Variants in IQCM observed in about 807,000 individuals in gnomAD.
IQCM encodes IQ motif containing M, also known as IQ domain-containing protein M.
In IQCM, 45 loss-of-function variants were observed where a neutral mutation model predicts 57.6. The observed-to-expected ratio is 0.78, with a 90% CI of 0.62 to 1.00. The LOEUF (loss-of-function observed/expected upper bound fraction) is 1.00, where lower values mean the gene tolerates loss of function less well. Ranked by LOEUF, IQCM falls within the 50% of genes least tolerant of loss-of-function variation. The pLI is 0.00. For synonymous variants in IQCM, 148 were observed against 158.9 expected (o/e 0.93, Z 0.51); for missense variants, 468 against 511.6 (o/e 0.91, Z 0.82).
intron 12 of IQCM, among the ~76,000 whole-genome samples, chr4:149,475,522 A>G (rs1740088110): frequency 6.6e-6 from 1 of 152,158 alleles, no homozygotes; most frequent in African/African-American, 2.4e-5. Context: ...CAGCATATAC[A>G]GCATATAAAT....
intron 7 of IQCM, among the ~76,000 whole-genome samples, chr4:149,661,043 C>A (rs1006023438): frequency 4.0e-5 from 6 of 151,614 alleles, no homozygotes; most frequent in Admixed American, 2.0e-4. Flanking sequence ...AAATGGGTAT[C>A]TTTGTCTTGT....
chr4:149,452,788 T>C (rs1737265668), intron 12 of IQCM, among the ~76,000 whole-genome samples: 1 of 151,588 alleles, frequency 6.6e-6, no homozygotes, highest in African/African-American at 2.4e-5. Context: ...AGTTTGTTAT[T>C]GTCAACTAGG....
chr4:149,395,092 A>G, intron 13 of IQCM, among the ~76,000 whole-genome samples: 1 of 152,058 alleles, frequency 6.6e-6, no homozygotes, highest in Non-Finnish European at 1.5e-5. Flanking sequence ...AAACTTCCCT[A>G]CTGAAATCTA....
At chr4:149,562,032 G>T (rs1049490400) in intron 10 of IQCM, among the ~76,000 whole-genome samples, 1 of 152,326 alleles carries the variant, frequency 6.6e-6, no homozygotes, top group South Asian at 2.1e-4. Flanking sequence ...TTTGCAGTTT[G>T]CTAAAACACA....
At chr4:149,581,948 G>C (rs985416599) in intron 9 of IQCM, among the ~76,000 whole-genome samples, 2 of 151,482 alleles carry the variant, frequency 1.3e-5, no homozygotes, top group African/African-American at 4.8e-5. Context: ...GGGGCAAGGT[G>C]CTTTCTGCCT....
chr4:149,756,611 C>G (rs1203894168), intron 2 of IQCM, among the ~76,000 whole-genome samples: 1 of 151,984 alleles, frequency 6.6e-6, no homozygotes, highest in African/African-American at 2.4e-5. Flanking sequence ...TTAATATTTA[C>G]AAATATGCTT....
At chr4:149,394,364 G>A (rs1262607446) in intron 13 of IQCM, among the ~76,000 whole-genome samples, 2 of 151,612 alleles carry the variant, frequency 1.3e-5, no homozygotes, top group Non-Finnish European at 1.5e-5. Context: ...CTTATATTTT[G>A]TTCCCAATTT....
chr4:149,604,967 T>C (rs1173679580), intron 8 of IQCM, among the ~76,000 whole-genome samples: 1 of 152,174 alleles, frequency 6.6e-6, no homozygotes, highest in African/African-American at 2.4e-5. Flanking sequence ...CTTTTCATTC[T>C]CCCATCCAGG....
intron 12 of IQCM, among the ~76,000 whole-genome samples, chr4:149,492,555 G>A (rs551962177): frequency 6.6e-6 from 1 of 152,112 alleles, no homozygotes; most frequent in African/African-American, 2.4e-5. Flanking sequence ...TATACTATAA[G>A]AGACATTTTG....
intron 5 of IQCM, among the ~76,000 whole-genome samples, chr4:149,705,777 T>C (rs2149821020): frequency 6.6e-6 from 1 of 152,080 alleles, no homozygotes; most frequent in Admixed American, 6.6e-5. Context: ...TGTTGGGTTA[T>C]GGAGAGTTAA....
chr4:149,378,171 A>G (rs1730824025), intron 13 of IQCM, among the ~76,000 whole-genome samples: 1 of 152,082 alleles, frequency 6.6e-6, no homozygotes, highest in South Asian at 2.1e-4. Flanking sequence ...GCCACACAGA[A>G]CTGTGAGTCC....
At chr4:149,515,489 C>A (rs754761097) in intron 12 of IQCM, among the ~76,000 whole-genome samples, 3 of 152,216 alleles carry the variant, frequency 2.0e-5, no homozygotes, top group Non-Finnish European at 4.4e-5. Flanking sequence ...CCTCAGCCTG[C>A]ACCAATGCTC....
At chr4:149,614,682 G>C (rs906194805) in intron 8 of IQCM, among the ~76,000 whole-genome samples, 1 of 151,954 alleles carries the variant, frequency 6.6e-6, no homozygotes, top group African/African-American at 2.4e-5. Context: ...AATTGCCTGG[G>C]GCCACACATA....
intron 13 of IQCM, among the ~76,000 whole-genome samples, chr4:149,390,641 T>A (rs1731785420): frequency 6.6e-6 from 1 of 151,946 alleles, no homozygotes; most frequent in African/African-American, 2.4e-5. Flanking sequence ...TGAAACTGTG[T>A]TGGATTTTGT....
intron 2 of IQCM, among the ~76,000 whole-genome samples, chr4:149,768,947 T>G (rs1449667860): frequency 2.0e-5 from 3 of 152,096 alleles, no homozygotes; most frequent in Non-Finnish European, 2.9e-5. Context: ...TTATGGACAT[T>G]TAAGCTATCT....
At chr4:149,779,523 G>A (rs1027366570) in intron 2 of IQCM, among the ~76,000 whole-genome samples, 13 of 152,206 alleles carry the variant, frequency 8.5e-5, no homozygotes, top group African/African-American at 2.6e-4. Context: ...TTCAATAAAT[G>A]ATACTAGAAC....
At chr4:149,748,973 A>G (rs1768188729) in intron 2 of IQCM, among the ~76,000 whole-genome samples, 1 of 152,232 alleles carries the variant, frequency 6.6e-6, no homozygotes, top group Admixed American at 6.5e-5. Context: ...AGCATGTGAA[A>G]AGACATTCAT....
chr4:149,709,467 C>T (rs758353147), intron 5 of IQCM, among the ~76,000 whole-genome samples: 4 of 152,076 alleles, frequency 2.6e-5, no homozygotes, highest in Non-Finnish European at 5.9e-5. Context: ...GGGGTCATCA[C>T]TAATGTGTCT....
chr4:149,382,151 A>AT (rs1451931899), intron 13 of IQCM, among the ~76,000 whole-genome samples: 2 of 151,878 alleles, frequency 1.3e-5, no homozygotes, highest in Middle Eastern at 3.2e-3. Flanking sequence ...GCTGGCAGGG[A>AT]TTTTTGACTA....
Sources: gnomAD v4.1 joint callset for allele counts (sites outside exome capture counted in the v4.1 genomes callset) on GRCh38, gnomAD v4.1.1 for gene constraint, MANE v1.5 for transcripts, NCBI Gene and HGNC (gene_info 2026-07-23, HGNC 2026-07-21) for gene names.